The following RNF150 variants were observed in gnomAD, a reference collection of about 807,000 sequenced individuals.
RNF150 encodes the protein ring finger protein 150.
In RNF150, 24 loss-of-function variants were observed where a neutral mutation model predicts 39.3. That is an observed-to-expected ratio of 0.61 (90% CI 0.44 to 0.86). RNF150 has a LOEUF of 0.86. RNF150 is among the 40% of genes least tolerant of loss of function. The probability of loss-of-function intolerance (pLI) is 0.00; values close to 1 mark genes in which losing one functional copy is unlikely to be tolerated. For synonymous variants in RNF150, 255 were observed against 227.3 expected, an observed-to-expected ratio of 1.12 and a Z score of -1.10; for missense variants, 502 against 587.8, an observed-to-expected ratio of 0.85 and a Z score of 1.51.
chr4:141,188,198 G>A (rs973610989), intron 1 of RNF150, among the ~76,000 whole-genome samples: 5 of 152,168 alleles, frequency 3.3e-5, no homozygotes, highest in Admixed American at 6.5e-5. Flanking sequence ...GGCTTGCAGG[G>A]TTTCTCCAGA....
intron 1 of RNF150, among the ~76,000 whole-genome samples, chr4:140,985,444 A>G (rs537434046): frequency 6.6e-6 from 1 of 152,144 alleles, no homozygotes. Flanking sequence ...TATTTTGGGT[A>G]TTAAAGAGAG....
intron 1 of RNF150, among the ~76,000 whole-genome samples, chr4:141,150,089 G>A (rs146232621): frequency 4.9e-4 from 74 of 152,210 alleles, no homozygotes; most frequent in African/African-American, 1.7e-3. Flanking sequence ...TAAAATCATA[G>A]CATCATTTGC....
intron 1 of RNF150, among the ~76,000 whole-genome samples, chr4:141,044,881 T>G (rs1736510492): frequency 6.6e-6 from 1 of 152,190 alleles, no homozygotes; most frequent in East Asian, 1.9e-4. Context: ...GATCTCAACA[T>G]CTGTTTTGGT....
chr4:140,925,017 T>C (rs530236832), intron 5 of RNF150, among the ~76,000 whole-genome samples: 5 of 152,318 alleles, frequency 3.3e-5, no homozygotes, highest in African/African-American at 1.2e-4. Context: ...CCTTCTTCAG[T>C]GACATCTTGG....
chr4:141,024,598 C>G lies in RNF150; in HGVS notation c.485-56725G>C, dbSNP rs146414284. Among the ~76,000 whole-genome samples, 263 of 152,202 alleles carry G rather than the reference C, an allele frequency of 1.7e-3. 1 individual carries two copies. The highest frequency in any genetic ancestry group is 0.011 in the South Asian group (53 of 4,810). On this transcript the variant is annotated intron_variant, in intron 1 of 6. Coordinates refer to ENST00000515673, the MANE Select transcript of RNF150 (RefSeq NM_020724.2). ...TGTATTCTGAGCAAGAATAAGCTATCAACCTAAATAATCAAAAGGGTCAGA... is the reference window on the plus strand; with the variant it reads ...TGTATTCTGAGCAAGAATAAGCTATGAACCTAAATAATCAAAAGGGTCAGA...
intron 1 of RNF150, among the ~76,000 whole-genome samples, chr4:141,124,609 T>C (rs1428520236): frequency 6.6e-6 from 1 of 152,132 alleles, no homozygotes; most frequent in Non-Finnish European, 1.5e-5. Flanking sequence ...TTGCTGTAGA[T>C]AGTGGGGAAC....
At chr4:141,033,718 T>TA (rs1225396407) in intron 1 of RNF150, among the ~76,000 whole-genome samples, 1 of 152,206 alleles carries the variant, frequency 6.6e-6, no homozygotes, top group Admixed American at 6.6e-5. Context: ...AAACAACATT[T>TA]ATCTCCCTCC....
At chr4:141,012,550 T>C (rs1202788896) in intron 1 of RNF150, among the ~76,000 whole-genome samples, 1 of 151,874 alleles carries the variant, frequency 6.6e-6, no homozygotes, top group Non-Finnish European at 1.5e-5. Flanking sequence ...GTAATCCCTT[T>C]GGAAGGGATT....
intron 5 of RNF150, among the ~76,000 whole-genome samples, chr4:140,914,283 C>A (rs1730729146): frequency 6.6e-6 from 1 of 152,092 alleles, no homozygotes; most frequent in African/African-American, 2.4e-5. Flanking sequence ...GTTTACAGAA[C>A]CTCACAGATT....
intron 1 of RNF150, among the ~76,000 whole-genome samples, chr4:141,038,826 C>T (rs1052596390): frequency 1.3e-5 from 2 of 152,154 alleles, no homozygotes; most frequent in African/African-American, 4.8e-5. Flanking sequence ...TACCTTTACT[C>T]ACCACAGGCT....
chr4:141,096,776 C>T (rs1014107775), intron 1 of RNF150, among the ~76,000 whole-genome samples: 10 of 152,166 alleles, frequency 6.6e-5, no homozygotes, highest in Middle Eastern at 3.2e-3. Flanking sequence ...CCACATATTC[C>T]GTTACACAGA....
chr4:141,204,356 C>G (rs2111221727), intron 1 of RNF150, among the ~76,000 whole-genome samples: 1 of 152,096 alleles, frequency 6.6e-6, no homozygotes, highest in South Asian at 2.1e-4. Context: ...CATATTGTAC[C>G]AAGAAAAATC....
intron 1 of RNF150, among the ~76,000 whole-genome samples, chr4:141,198,422 TG>T: frequency 6.6e-6 from 1 of 152,214 alleles, no homozygotes; most frequent in Non-Finnish European, 1.5e-5. Flanking sequence ...GCTTTCAGTT[TG>T]TCTAAAGTGT....
intron 1 of RNF150, among the ~76,000 whole-genome samples, chr4:140,973,549 A>C (rs1175805044): frequency 2.0e-5 from 3 of 151,612 alleles, no homozygotes; most frequent in Non-Finnish European, 2.9e-5. Flanking sequence ...TGAAAAAAAA[A>C]CTGTATTTTG....
intron 1 of RNF150, among the ~76,000 whole-genome samples, chr4:141,188,394 G>C (rs1728049697): frequency 6.6e-6 from 1 of 152,152 alleles, no homozygotes; most frequent in Non-Finnish European, 1.5e-5. Context: ...ATGTTGGCCT[G>C]TCTTGCTAGT....
In RNF150 at chr4:141,161,782, G is replaced by T. The variant is rs572196441; in HGVS notation, c.-6+51012C>A. ...GTACACCTCAGGCTGCTACTCCAAA[G>T]GGTGTAAGCCATTAGCCTTGGCAGC... On this transcript the variant is annotated intron_variant, in intron 1 of 7. Coordinates refer to the RNF150 transcript ENST00000420921. Among the ~76,000 whole-genome samples the T allele has an allele frequency of 2.0e-5, 3 of 152,372 alleles. No homozygotes were observed. In the East Asian group the frequency reaches 5.8e-4, roughly 29 times the overall value.
intron 1 of RNF150, among the ~76,000 whole-genome samples, chr4:141,103,469 G>A (rs976834759): frequency 5.3e-5 from 8 of 152,168 alleles, no homozygotes; most frequent in African/African-American, 1.9e-4. Flanking sequence ...GGATAACATG[G>A]GGGGAGTTAT....
chr4:141,099,923 T>G (rs1738947628), intron 1 of RNF150, among the ~76,000 whole-genome samples: 2 of 152,180 alleles, frequency 1.3e-5, no homozygotes, highest in Admixed American at 6.5e-5. Context: ...TATGTATGTT[T>G]TAGTAGGGTA....
At chr4:141,044,937 T>TTTTTCTTTACGGAGTA (rs1736513792) in intron 1 of RNF150, among the ~76,000 whole-genome samples, 1 of 152,210 alleles carries the variant, frequency 6.6e-6, no homozygotes, top group Non-Finnish European at 1.5e-5. Flanking sequence ...ATGTTCTTAG[T>TTTTTCTTTACGGAGTA]TTTTCTTTAC....
Sources: allele counts gnomAD v4.1 joint callset (sites outside exome capture counted in the v4.1 genomes callset), GRCh38; gene constraint gnomAD v4.1.1; transcripts MANE v1.5; gene names NCBI Gene and HGNC (gene_info 2026-07-23, HGNC 2026-07-21).